EYS: variants seen among roughly 807,000 people sequenced by gnomAD.
EYS encodes EGF-like photoreceptor maintenance factor.
EYS carries 250 observed loss-of-function variants against 282.1 expected under a neutral mutation model. The observed-to-expected ratio is 0.89, with a 90% confidence interval of 0.80 to 0.98. EYS has a LOEUF of 0.98. Among genes scored for constraint, EYS ranks in the 50% least tolerant of loss-of-function variants. EYS has a pLI of 0.00. For missense variants in EYS, 4,016 were observed against 3,709.0 expected (o/e 1.08, Z -2.15); for synonymous variants, 1,355 against 1,282.9 (o/e 1.06, Z -1.20).
At chr6:65,250,221 C>T (rs1041505144) in intron 12 of EYS, among the ~76,000 whole-genome samples, 5 of 151,942 alleles carry the variant, frequency 3.3e-5, no homozygotes, top group Non-Finnish European at 7.4e-5. Context: ...TAAAACTATG[C>T]TCTATTATAT....
In EYS at chr6:64,482,919, G is replaced by A. The variant is rs1216369676; in HGVS notation, c.5645-43567C>T. ...CATAGGTTCCAAATTAGAAATAAAA[G>A]CCATAGCAGTGGCAGCGTCCACTGA... On this transcript the variant is annotated intron_variant, in intron 26 of 42. Coordinates refer to ENST00000503581, the MANE Select transcript of EYS (RefSeq NM_001142800.2). Among the ~76,000 whole-genome samples the A allele has an allele frequency of 2.0e-5, 3 of 151,544 alleles. No homozygotes were observed. In the East Asian group the frequency reaches 5.8e-4, roughly 29 times the overall value.
chr6:64,902,301 T>C, intron 17 of EYS, 81 bp from the exon 18 acceptor site: 1 of 1,317,738 alleles, frequency 7.6e-7, no homozygotes, highest in Non-Finnish European at 1.1e-6. Flanking sequence ...ATGGCAAGTT[T>C]TTAATAATTA....
chr6:65,583,226 G>T (rs370421587), intron 2 of EYS, among the ~76,000 whole-genome samples: 3 of 152,064 alleles, frequency 2.0e-5, no homozygotes, highest in East Asian at 3.9e-4. Context: ...GATTTTAAAT[G>T]AGGGCTCAAG....
At chr6:65,015,394 G>T (rs554250922) in intron 13 of EYS, among the ~76,000 whole-genome samples, 10 of 152,256 alleles carry the variant, frequency 6.6e-5, no homozygotes, top group African/African-American at 2.4e-4. Flanking sequence ...ATCTCCATAG[G>T]CTGGGACAAG....
chr6:65,125,619 G>T (rs1775696755), intron 12 of EYS, among the ~76,000 whole-genome samples: 1 of 151,998 alleles, frequency 6.6e-6, no homozygotes, highest in South Asian at 2.1e-4. Flanking sequence ...CAAAATTTTT[G>T]ATGTTTGATG....
intron 31 of EYS, among the ~76,000 whole-genome samples, chr6:64,163,108 G>A (rs1412222504): frequency 6.6e-6 from 1 of 151,912 alleles, no homozygotes; most frequent in Non-Finnish European, 1.5e-5. Context: ...TTAATAGTTG[G>A]AAAGAAATTT....
intron 28 of EYS, among the ~76,000 whole-genome samples, chr6:64,391,573 G>A (rs1159515101): frequency 6.6e-6 from 1 of 152,042 alleles, no homozygotes; most frequent in Non-Finnish European, 1.5e-5. Context: ...TCAAGCAAAT[G>A]CTGAGAGATT....
intron 33 of EYS, among the ~76,000 whole-genome samples, chr6:63,999,531 G>A (rs146271095): frequency 2.0e-5 from 3 of 152,294 alleles, no homozygotes; most frequent in African/African-American, 4.8e-5. Flanking sequence ...CCCTCATGTA[G>A]GAGATTGTTG....
intron 13 of EYS, among the ~76,000 whole-genome samples, chr6:65,000,532 G>A (rs552274439): frequency 6.6e-6 from 1 of 152,332 alleles, no homozygotes; most frequent in African/African-American, 2.4e-5. Context: ...AGCACTTCGG[G>A]AGGCCGAGGC....
At chr6:64,783,243 T>C (rs1773914175) in intron 22 of EYS, among the ~76,000 whole-genome samples, 1 of 152,080 alleles carries the variant, frequency 6.6e-6, no homozygotes, top group Non-Finnish European at 1.5e-5. Flanking sequence ...GCTATTATTG[T>C]TATTCTCTTA....
At chr6:64,472,341 G>A (rs1189996055) in intron 26 of EYS, among the ~76,000 whole-genome samples, 1 of 152,126 alleles carries the variant, frequency 6.6e-6, no homozygotes, top group African/African-American at 2.4e-5. Flanking sequence ...TTCTTCACGT[G>A]GCCCATTACA....
At chr6:65,055,703 T>C (rs745815713) in intron 13 of EYS, among the ~76,000 whole-genome samples, 21 of 152,086 alleles carry the variant, frequency 1.4e-4, no homozygotes, top group Non-Finnish European at 2.1e-4. Flanking sequence ...TGTCTGTCAA[T>C]TGGGATTTGT....
intron 7 of EYS, among the ~76,000 whole-genome samples, chr6:65,386,655 C>G (rs746630329): frequency 6.6e-6 from 1 of 151,860 alleles, no homozygotes; most frequent in Non-Finnish European, 1.5e-5. Context: ...ACAACATGGA[C>G]CTTTTTAATA....
intron 32 of EYS, among the ~76,000 whole-genome samples, chr6:64,074,373 T>C (rs1259659892): frequency 6.6e-6 from 1 of 151,222 alleles, no homozygotes; most frequent in Non-Finnish European, 1.5e-5. Flanking sequence ...AAATATCACA[T>C]GGAGAAACAA....
intron 36 of EYS, among the ~76,000 whole-genome samples, chr6:63,825,357 T>C (rs1771432000): frequency 1.3e-5 from 2 of 151,970 alleles, no homozygotes; most frequent in Admixed American, 1.3e-4. Flanking sequence ...ATCTTGGGAG[T>C]TCTAGGGCCC....
At chr6:65,205,683 G>A (rs35237519) in intron 12 of EYS, among the ~76,000 whole-genome samples, 30,211 of 151,678 alleles carry the variant, frequency 0.2, 3,311 homozygotes, top group Middle Eastern at 0.26. Flanking sequence ...AAAATCACAT[G>A]AAGTATTTTC....
In EYS at chr6:63,789,052, CTT is replaced by C; in HGVS notation, c.7578+4_7578+5del. ...TTGTGGAAGTGACGAAGGAATGACT[CTT>C]TACCTTCAGCCAGCCCTCTTGGAAG... On this transcript the variant is annotated splice_donor_5th_base_variant and intron_variant, in intron 38 of 42. Coordinates refer to ENST00000503581, the MANE Select transcript of EYS (RefSeq NM_001142800.2). The C allele has an allele frequency of 6.4e-7, 1 of 1,551,124 alleles. No individual in the cohort carries two copies. The highest frequency in any genetic ancestry group is 8.7e-7 in the Non-Finnish European group (1 of 1,146,614).
chr6:64,171,304 A>G (rs1764472658), intron 31 of EYS, among the ~76,000 whole-genome samples: 1 of 152,208 alleles, frequency 6.6e-6, no homozygotes, highest in Non-Finnish European at 1.5e-5. Flanking sequence ...ATAATCTTAT[A>G]GGGATCTGTG....
At chr6:64,918,952 A>C (rs2150080275) in intron 15 of EYS, among the ~76,000 whole-genome samples, 1 of 152,338 alleles carries the variant, frequency 6.6e-6, no homozygotes, top group Non-Finnish European at 1.5e-5. Context: ...AGGAATAAAT[A>C]AATTTAAATT....
Sources: gnomAD v4.1 joint callset for allele counts (sites outside exome capture counted in the v4.1 genomes callset) on GRCh38, gnomAD v4.1.1 for gene constraint, MANE v1.5 for transcripts, NCBI Gene and HGNC (gene_info 2026-07-23, HGNC 2026-07-21) for gene names.